SLC20A1: variants seen among roughly 807,000 people sequenced by gnomAD.
SLC20A1 encodes the protein sodium-dependent phosphate transporter 1.
A neutral mutation model predicts 62.7 loss-of-function variants in SLC20A1; 28 were observed. That is an observed-to-expected ratio of 0.45 (90% CI 0.33 to 0.61). The LOEUF (loss-of-function observed/expected upper bound fraction) is 0.61, where lower values mean the gene tolerates loss of function less well. Among genes scored for constraint, SLC20A1 ranks in the 20% least tolerant of loss-of-function variants. The pLI is 0.02. For missense variants in SLC20A1, 673 were observed against 838.6 expected, an observed-to-expected ratio of 0.80 and a Z score of 2.44; for synonymous variants, 305 against 302.9, an observed-to-expected ratio of 1.01 and a Z score of -0.07.
intron 4 of SLC20A1, 195 bp from the exon 5 acceptor site, chr2:112,652,507 A>C: frequency 1.7e-6 from 1 of 587,180 alleles, no homozygotes; most frequent in East Asian, 2.8e-5. Flanking sequence ...AGAAAAAAAA[A>C]CAGGTAGAAG....
At chr2:112,652,486 T>TAAAAGAA (rs1216644001) in intron 4 of SLC20A1, 2 of 576,368 alleles carry the variant, frequency 3.5e-6, no homozygotes, top group East Asian at 5.7e-5. Context: ...GTCTTGTTAT[T>TAAAAGAA]AAAAGAAAAA....
intron 3 of SLC20A1, 83 bp from the exon 4 acceptor site, chr2:112,647,570 T>G: frequency 1.3e-6 from 2 of 1,576,088 alleles, no homozygotes; most frequent in Non-Finnish European, 1.7e-6. Context: ...GACCCAAGAA[T>G]TTTGAACTCT....
chr2:112,650,175 A>G (rs2104642274), intron 4 of SLC20A1, among the ~76,000 whole-genome samples: 1 of 152,316 alleles, frequency 6.6e-6, no homozygotes, highest in South Asian at 2.1e-4. Flanking sequence ...AGGATAATAA[A>G]TACACAGGCT....
rs1686800467 is a variant in SLC20A1 at position 112,663,314 on chromosome 2, T to C, written c.*289T>C. ...CTCTACTTTTTGTATCAGGCTTCAA[T>C]TCCATTATGTTTTAATGTTGTCTCT... On this transcript the variant is annotated 3_prime_UTR_variant, in exon 11 of 11. Transcript: ENST00000272542. The C allele has an allele frequency of 4.6e-6, 2 of 431,780 alleles. No homozygotes were observed. The highest frequency in any genetic ancestry group is 3.9e-5 in the South Asian group (2 of 51,664). The allele number at this position is 431,780 out of a possible 1,614,324, so 26.7% of individuals were successfully genotyped here.
chr2:112,654,132 A>G (rs559457998), intron 5 of SLC20A1, among the ~76,000 whole-genome samples: 49 of 152,296 alleles, frequency 3.2e-4, no homozygotes, highest in African/African-American at 1.2e-3. Context: ...GAGGGATTAT[A>G]TGTGTATTTT....
intron 10 of SLC20A1, 70 bp downstream of exon 10, chr2:112,661,296 C>T: frequency 8.4e-7 from 1 of 1,192,730 alleles, no homozygotes; most frequent in South Asian, 1.2e-5. Flanking sequence ...TTTTACTTCT[C>T]TGATACTTTG....
At chr2:112,660,933 C>T (rs560714115) in intron 9 of SLC20A1, 42 of 503,410 alleles carry the variant, frequency 8.3e-5, no homozygotes, top group African/African-American at 4.2e-4. Flanking sequence ...TCCAGAAAAA[C>T]GTAAAACTGG....
At chr2:112,650,021 T>A (rs1686393030) in intron 4 of SLC20A1, among the ~76,000 whole-genome samples, 1 of 152,176 alleles carries the variant, frequency 6.6e-6, no homozygotes, top group African/African-American at 2.4e-5. Flanking sequence ...ACTTTTGATT[T>A]TTTTTTAACC....
At position 112,647,679 on chromosome 2, in the gene SLC20A1, C is replaced by T. The variant is rs776084892; in HGVS notation, c.502C>T (p.Leu168Phe). The change falls in exon 4 of 11, where the codon CTT (leucine) becomes TTT (phenylalanine). Residue 168 changes from leucine to phenylalanine, a missense_variant. Transcript: ENST00000272542. ...GATGTCTTGGTTCGTGTCCCCACTG[C>T]TTTCTGGAATTATGTCTGGAATTTT... ...IVMSWFVSPL[L>F]SGIMSGILFF... is the part of the protein sequence containing the mutation. 5.0e-6 allele frequency: 8 copies of T among 1,613,920 alleles called. No individual in the cohort carries two copies. Among genetic ancestry groups the T allele is most frequent in the South Asian group, 1.1e-5 (1 of 91,076 alleles).
In SLC20A1 at chr2:112,657,160, C is replaced by G. The variant is rs915647967; in HGVS notation, c.697C>G (p.Leu233Val). Residue 233 changes from leucine (L) to valine (V), a missense_variant, in exon 6 of 11, where the codon CTC becomes GTC. Coordinates refer to ENST00000272542, the MANE Select transcript of SLC20A1 (RefSeq NM_005415.5). ...FDKLPLWGTILISVGCAVFCA... is the reference protein window; with the variant it reads ...FDKLPLWGTIVISVGCAVFCA... ...CAAACTTCCTCTGTGGGGTACCATCCTCATCTCGGTGGGATGTGCAGTTTT... is the reference window on the plus strand; with the variant it reads ...CAAACTTCCTCTGTGGGGTACCATCGTCATCTCGGTGGGATGTGCAGTTTT... The G allele has an allele frequency of 3.2e-5, 51 of 1,613,726 alleles. No homozygotes were observed. Among genetic ancestry groups the G allele is most frequent in the Non-Finnish European group, 4.3e-5 (51 of 1,179,936 alleles).
rs1172297366 is a variant in SLC20A1 at position 112,647,678 on chromosome 2, G to A, written c.501G>A (p.Leu167=). The A allele has an allele frequency of 1.2e-6, 2 of 1,613,860 alleles. No homozygotes were observed. Residue 167 remains leucine, a synonymous_variant, in exon 4 of 11, where the codon CTG becomes CTA. Transcript: ENST00000272542. ...KIVMSWFVSP[L]LSGIMSGILF... is the part of the protein sequence containing the mutation. ...TGATGTCTTGGTTCGTGTCCCCACT[G>A]CTTTCTGGAATTATGTCTGGAATTT...
At chr2:112,653,826 CTT>C (rs961467759) in intron 5 of SLC20A1, among the ~76,000 whole-genome samples, 3 of 152,052 alleles carry the variant, frequency 2.0e-5, no homozygotes, top group Non-Finnish European at 4.4e-5. Context: ...CAGTTTTGCT[CTT>C]GTTGCCCAGG....
In SLC20A1 at chr2:112,658,809, C is replaced by T. The variant is rs1686668360; in HGVS notation, c.779-16C>T. 1.3e-6 allele frequency: 2 copies of T among 1,581,832 alleles called. No homozygotes were observed. The highest frequency in any genetic ancestry group is 2.3e-5 in the South Asian group (2 of 86,012). On this transcript the variant is annotated splice_polypyrimidine_tract_variant and intron_variant, in intron 6 of 10. Coordinates refer to ENST00000272542, the MANE Select transcript of SLC20A1 (RefSeq NM_005415.5). ...GCCACAACCAAACCAAAAAAGACCC[C>T]CCTTTTTTTTCCTAGGAGAAATAAA...
chr2:112,659,799 T>C (rs1221203934), intron 8 of SLC20A1, 37 bp downstream of exon 8: 7 of 1,546,980 alleles, frequency 4.5e-6, no homozygotes, highest in Non-Finnish European at 4.4e-6. Context: ...CTAACCCTAT[T>C]TTTAAACCAT....
Position 112,647,338 on chromosome 2 carries a change from C to G in SLC20A1, c.349C>G (p.Gln117Glu). The G allele has an allele frequency of 6.2e-7, 1 of 1,613,676 alleles. No individual in the cohort carries two copies. The highest frequency in any genetic ancestry group is 8.5e-7 in the Non-Finnish European group (1 of 1,179,892). ...VSAMFGSAVW[Q>E]LVASFLKLPI... Reference sequence around the variant, plus strand: ...CTATGTTTCAGGTTCTGCTGTGTGGCAACTCGTGGCTTCGTTTTTGAAGCT... The same window carrying G: ...CTATGTTTCAGGTTCTGCTGTGTGGGAACTCGTGGCTTCGTTTTTGAAGCT... The change falls in exon 3 of 11, where the codon CAA becomes GAA. Residue 117 changes from glutamine (Q) to glutamate (E), a missense_variant. Coordinates refer to ENST00000272542, the MANE Select transcript of SLC20A1 (RefSeq NM_005415.5).
Position 112,658,825 on chromosome 2 carries a change from G to T in SLC20A1, c.779G>T (p.Arg260Leu). ...AAAAGACCCCCCTTTTTTTTCCTAG[G>T]AGAAATAAAGTGTAGTCCTTCTGAA... ...VCPRMKRKIE[R>L]EIKCSPSESP... is the part of the protein sequence containing the mutation. Residue 260 changes from arginine (R) to leucine (L), a missense_variant and splice_region_variant, in exon 7 of 11, where the codon CGA becomes CTA. Physicochemically the swap from Arg to Leu is moderately radical, Grantham distance 102. Coordinates refer to ENST00000272542, the MANE Select transcript of SLC20A1 (RefSeq NM_005415.5). The T allele has an allele frequency of 6.3e-7, 1 of 1,582,274 alleles. No homozygotes were observed. Among genetic ancestry groups the T allele is most frequent in the South Asian group, 1.2e-5 (1 of 86,106 alleles).
intron 4 of SLC20A1, chr2:112,652,430 G>A (rs1000218492): frequency 8.8e-5 from 43 of 490,048 alleles, no homozygotes; most frequent in African/African-American, 4.7e-4. Context: ...TAGAATGTGG[G>A]TATTGCAATC....
Position 112,658,871 on chromosome 2 carries a change from G to A in SLC20A1, c.825G>A (p.Lys275=), listed in dbSNP as rs780689312. 5 of 1,613,714 alleles carry A rather than the reference G, an allele frequency of 3.1e-6. No homozygotes were observed. Among genetic ancestry groups the A allele is most frequent in the South Asian group, 1.1e-5 (1 of 91,044 alleles). Residue 275 remains lysine (K), a synonymous_variant, in exon 7 of 11, where the codon AAG becomes AAA. Coordinates refer to ENST00000272542, the MANE Select transcript of SLC20A1 (RefSeq NM_005415.5). ...SPSESPLMEK[K]NSLKEDHEET... ...CTGAAAGCCCCTTAATGGAAAAAAA[G>A]AATAGCTTGAAAGAAGACCATGAAG...
chr2:112,659,166 C>T (rs1686681543), intron 7 of SLC20A1, 38 bp from the exon 8 acceptor site: 7 of 1,604,808 alleles, frequency 4.4e-6, no homozygotes, highest in African/African-American at 4.0e-5. Context: ...GGATTTGATG[C>T]TTTTTGTATT....
Sources: allele counts gnomAD v4.1 joint callset (sites outside exome capture counted in the v4.1 genomes callset), GRCh38; gene constraint gnomAD v4.1.1; transcripts MANE v1.5; gene names NCBI Gene and HGNC (gene_info 2026-07-23, HGNC 2026-07-21).